The following DIAPH2 variants were observed in gnomAD, a reference collection of about 807,000 sequenced individuals.
The protein encoded by DIAPH2 is protein diaphanous homolog 2.
In DIAPH2, 35 loss-of-function variants were observed where a neutral mutation model predicts 92.7. That is an observed-to-expected ratio of 0.38 (90% CI 0.29 to 0.50). The LOEUF (loss-of-function observed/expected upper bound fraction) is 0.50. Ranked by LOEUF, DIAPH2 falls within the 20% of genes least tolerant of loss-of-function variation. The pLI, the probability that DIAPH2 is intolerant of heterozygous loss-of-function variation, is 0.94. For synonymous variants in DIAPH2, 301 were observed against 280.4 expected, an observed-to-expected ratio of 1.07 and a Z score of -0.73; for missense variants, 701 against 819.5, an observed-to-expected ratio of 0.86 and a Z score of 1.77.
chrX:97,027,534 A>G (rs2066343647), intron 17 of DIAPH2, among the ~76,000 whole-genome samples: 1 of 112,326 alleles, frequency 8.9e-6, no homozygotes, highest in Non-Finnish European at 1.9e-5. Flanking sequence ...AGTGCTACAA[A>G]AAAGGCACAG....
chrX:96,944,634 A>G (rs1026357368), intron 13 of DIAPH2, among the ~76,000 whole-genome samples: 1 of 111,698 alleles, frequency 9.0e-6, no homozygotes, highest in Non-Finnish European at 1.9e-5. Flanking sequence ...CATACAGCAT[A>G]TATACTTTTT....
At chrX:97,531,459 G>C (rs895978825) in intron 26 of DIAPH2, among the ~76,000 whole-genome samples, 3 of 111,899 alleles carry the variant, frequency 2.7e-5, no homozygotes, top group Admixed American at 1.9e-4. Flanking sequence ...ATGTATTCCA[G>C]TAAAATCGGC....
rs776214044 is a variant in DIAPH2 at position 96,900,535 on chromosome X, C to A, written c.588-11793C>A. Among the ~76,000 whole-genome samples, 3 of 111,152 alleles carry A rather than the reference C, an allele frequency of 2.7e-5. No homozygotes were observed. The Admixed American group carries it at 2.9e-4, about 11-fold the overall frequency. ...AAATAGAAATGGTGAAAGTAGGCATCCTTGTCTTGTTGCTTTCAACTTTTA... is the reference window on the plus strand; with the variant it reads ...AAATAGAAATGGTGAAAGTAGGCATACTTGTCTTGTTGCTTTCAACTTTTA... On this transcript the variant is annotated intron_variant, in intron 5 of 26. Transcript: ENST00000324765.
chrX:97,157,689 A>C (rs1249561791), intron 22 of DIAPH2, among the ~76,000 whole-genome samples: 2 of 111,421 alleles, frequency 1.8e-5, no homozygotes, highest in Non-Finnish European at 3.8e-5. Context: ...TTTCTTGCGC[A>C]AGATCCAAGA....
intron 22 of DIAPH2, among the ~76,000 whole-genome samples, chrX:97,168,210 G>T (rs1159767900): frequency 9.3e-6 from 1 of 107,642 alleles, no homozygotes; most frequent in African/African-American, 3.4e-5. Context: ...TCAGCCTCCC[G>T]CTGTAGCTGG....
At chrX:97,234,148 A>G (rs1289084635) in intron 22 of DIAPH2, among the ~76,000 whole-genome samples, 1 of 90,722 alleles carries the variant, frequency 1.1e-5, no homozygotes, top group Non-Finnish European at 2.2e-5. Context: ...ACATGGAGAA[A>G]CCCCGTCTCT....
At chrX:97,476,984 T>TATATATAC (rs1280074551) in intron 26 of DIAPH2, among the ~76,000 whole-genome samples, 4 of 57,092 alleles carry the variant, frequency 7.0e-5, no homozygotes, top group Non-Finnish European at 1.2e-4. Context: ...TATATATATA[T>TATATATAC]ACACACACAC....
intron 4 of DIAPH2, chrX:96,763,053 GTT>G (rs11339405): frequency 7.2e-6 from 6 of 836,898 alleles, no homozygotes; most frequent in East Asian, 8.6e-5. Context: ...GTTGCTGTTT[GTT>G]TTTTTTTTAC....
At position 96,860,567 on chromosome X, in the gene DIAPH2, T is replaced by C. The variant is rs765177007; in HGVS notation, c.448-21012T>C. ...CGGAATATACCAATCCTTGTATCTATTGACCCCTGTGATTTAGTATTTTGG... is the reference window on the plus strand; with the variant it reads ...CGGAATATACCAATCCTTGTATCTACTGACCCCTGTGATTTAGTATTTTGG... On this transcript the variant is annotated intron_variant, in intron 4 of 26. Transcript: ENST00000324765. Among the ~76,000 whole-genome samples, 3 of 111,930 alleles carry C rather than the reference T, an allele frequency of 2.7e-5. No homozygotes were observed. In the South Asian group the frequency reaches 1.1e-3, roughly 42 times the overall value.
chrX:96,885,789 A>G (rs966711003), intron 5 of DIAPH2, among the ~76,000 whole-genome samples: 1 of 111,805 alleles, frequency 8.9e-6, no homozygotes, highest in African/African-American at 3.2e-5. Flanking sequence ...TTTGGATGAA[A>G]TTACAATTTA....
At chrX:96,873,527 G>A (rs1715861453) in intron 4 of DIAPH2, among the ~76,000 whole-genome samples, 1 of 109,133 alleles carries the variant, frequency 9.2e-6, no homozygotes, top group African/African-American at 3.3e-5. Context: ...AGATGGGTGT[G>A]GTTATTGAAA....
At chrX:97,583,207 C>T (rs1003935007) in intron 26 of DIAPH2, among the ~76,000 whole-genome samples, 2 of 112,272 alleles carry the variant, frequency 1.8e-5, no homozygotes, top group Non-Finnish European at 3.8e-5. Context: ...CTTTGTTCTG[C>T]TGCTGGTGAG....
At chrX:97,166,946 T>C (rs2067416590) in intron 22 of DIAPH2, among the ~76,000 whole-genome samples, 1 of 112,554 alleles carries the variant, frequency 8.9e-6, no homozygotes, top group Admixed American at 9.4e-5. Flanking sequence ...ATAAACAGAA[T>C]TGTAAAATAT....
chrX:96,767,029 C>T (rs1412276440), intron 4 of DIAPH2, among the ~76,000 whole-genome samples: 1 of 111,671 alleles, frequency 9.0e-6, no homozygotes, highest in African/African-American at 3.3e-5. Context: ...CCATCCTCCA[C>T]AGCTCTTCCA....
chrX:97,578,313 C>A (rs1223427859), intron 26 of DIAPH2, among the ~76,000 whole-genome samples: 11 of 107,897 alleles, frequency 1.0e-4, no homozygotes. Context: ...AATGCTATCC[C>A]TCCCCGCTCC....
At chrX:97,579,883 C>T (rs905343752) in intron 26 of DIAPH2, among the ~76,000 whole-genome samples, 27 of 109,518 alleles carry the variant, frequency 2.5e-4, no homozygotes, top group Middle Eastern at 4.7e-3. Flanking sequence ...AGGTCCTTCA[C>T]ATCCCTTGTA....
intron 16 of DIAPH2, among the ~76,000 whole-genome samples, chrX:96,962,376 TATACACATATATATACACATATATATAC>T (rs1569436568): frequency 7.4e-5 from 5 of 67,268 alleles, no homozygotes; most frequent in African/African-American, 2.5e-4. Context: ...CACATATATA[TATACACATATATATACACATATATATAC>T]ACATATATAT....
chrX:97,180,796 TC>T (rs2067533324), intron 22 of DIAPH2, among the ~76,000 whole-genome samples: 2 of 111,552 alleles, frequency 1.8e-5, no homozygotes, highest in African/African-American at 6.5e-5. Flanking sequence ...GTCAGGTTTG[TC>T]GAAGATCATA....
chrX:96,914,668 CT>C (rs796622803), intron 7 of DIAPH2, among the ~76,000 whole-genome samples: 72 of 102,399 alleles, frequency 7.0e-4, no homozygotes, highest in East Asian at 1.8e-3. Context: ...TTATAGAGCC[CT>C]TTTTTTTTTT....
Sources: allele counts gnomAD v4.1 joint callset (sites outside exome capture counted in the v4.1 genomes callset), GRCh38; gene constraint gnomAD v4.1.1; transcripts MANE v1.5; gene names NCBI Gene and HGNC (gene_info 2026-07-23, HGNC 2026-07-21).